DENND6A: variants seen among roughly 807,000 people sequenced by gnomAD.
DENND6A encodes the protein protein DENND6A.
In DENND6A, 43 loss-of-function variants were observed where a neutral mutation model predicts 95.5. The observed-to-expected ratio is 0.45, with a 90% CI of 0.35 to 0.58. The LOEUF is 0.58. Among genes scored for constraint, DENND6A ranks in the 20% least tolerant of loss-of-function variants. DENND6A has a pLI of 0.00. For missense variants in DENND6A, 574 were observed against 736.0 expected (o/e 0.78, Z 2.55); for synonymous variants, 257 against 260.4 (o/e 0.99, Z 0.13).
intron 1 of DENND6A, among the ~76,000 whole-genome samples, chr3:57,692,546 T>G (rs1435665831): frequency 6.6e-6 from 1 of 152,168 alleles, no homozygotes; most frequent in Admixed American, 6.5e-5. Context: ...AGGATGAACA[T>G]CAACAAGTAT....
At position 57,630,625 on chromosome 3, in the gene DENND6A, T is replaced by G. The variant is rs540502950; in HGVS notation, c.1517+90A>C. ...AACCATGTCAAACTTTAGTAGAATT[T>G]TTTAAAAAGAATAAGCTTAAGTTTA... On this transcript the variant is annotated intron_variant, in intron 17 of 19. Transcript: ENST00000311128. The G allele has an allele frequency of 3.6e-5, 55 of 1,532,286 alleles. 1 individual carries two copies. The African/African-American group carries it at 7.3e-4, about 20-fold the overall frequency. The allele number at this position is 1,532,286 out of a possible 1,614,324, so 94.9% of individuals were successfully genotyped here.
At chr3:57,688,185 G>A (rs1009375322) in intron 1 of DENND6A, among the ~76,000 whole-genome samples, 3 of 151,762 alleles carry the variant, frequency 2.0e-5, no homozygotes, top group Non-Finnish European at 4.4e-5. Flanking sequence ...TATTAGAGAT[G>A]GGGTTTTACC....
At chr3:57,655,038 T>G (rs1325179686) in intron 9 of DENND6A, 1 of 154,962 alleles carries the variant, frequency 6.5e-6, no homozygotes, top group East Asian at 1.9e-4. Context: ...AAACAAGAAT[T>G]TTTTTTTTTT....
Position 57,630,437 on chromosome 3 carries a change from T to G in DENND6A, c.1604A>C (p.Glu535Ala). The G allele has an allele frequency of 1.3e-6, 2 of 1,589,798 alleles. No individual in the cohort carries two copies. Among genetic ancestry groups the G allele is most frequent in the Non-Finnish European group, 1.7e-6 (2 of 1,174,886 alleles). ...TTTTCGAACCTCTTCACAAAGAGCT[T>G]CTAGATGGAGTGCCTCCAATTTTTG... ...MTQKLEALHL[E>A]ALCEEDLLLW... is the part of the protein sequence containing the mutation. The change falls in exon 18 of 20, where the codon GAA becomes GCA. Residue 535 changes from glutamate (E) to alanine (A), a missense_variant. Around this residue, in one of 2 missense-constraint regions of DENND6A, gnomAD observed 452 missense variants for 630.9 expected, o/e 0.72. Coordinates refer to ENST00000311128, the MANE Select transcript of DENND6A (RefSeq NM_152678.3).
rs768212516 is a variant in DENND6A at position 57,666,220 on chromosome 3, G to A, written c.335C>T (p.Thr112Ile). ...CTGTCGAAATCTAAAACAAAACTGG[G>A]TATCTCCAAGACAACCTAATGAAAA... is the stretch of plus-strand genomic sequence containing the variant. ...PDSNSGCLGD[T>I]QFCFRFRQSS... Residue 112 changes from threonine to isoleucine, a missense_variant, in exon 4 of 20, where the codon ACC becomes ATC. Transcript: ENST00000311128. 2.5e-6 allele frequency: 4 copies of A among 1,612,462 alleles called. No individual in the cohort carries two copies. Among genetic ancestry groups the A allele is most frequent in the Non-Finnish European group, 3.4e-6 (4 of 1,178,926 alleles).
intron 5 of DENND6A, 73 bp from the exon 6 acceptor site, chr3:57,661,624 A>C (rs2071425465): frequency 8.7e-7 from 1 of 1,145,214 alleles, no homozygotes; most frequent in Non-Finnish European, 1.2e-6. Flanking sequence ...ATTACTAACA[A>C]GCTAAATTCA....
At chr3:57,657,988 G>A (rs1391681856) in intron 8 of DENND6A, among the ~76,000 whole-genome samples, 2 of 152,108 alleles carry the variant, frequency 1.3e-5, no homozygotes, top group African/African-American at 2.4e-5. Context: ...TGTAATCCCA[G>A]CACTTTGGTA....
intron 14 of DENND6A, 42 bp from the exon 15 acceptor site, chr3:57,633,396 A>C (rs764425073): frequency 3.4e-6 from 5 of 1,458,558 alleles, no homozygotes; most frequent in Non-Finnish European, 4.8e-6. Context: ...CTAGTGTTGG[A>C]ATATAAAACA....
chr3:57,674,099 C>T (rs2071666151), intron 1 of DENND6A, among the ~76,000 whole-genome samples: 1 of 151,692 alleles, frequency 6.6e-6, no homozygotes, highest in Non-Finnish European at 1.5e-5. Context: ...TACTGGGAAG[C>T]CGGCCGGGTG....
Position 57,689,533 on chromosome 3 carries a change from G to A in DENND6A, c.237+3249C>T, listed in dbSNP as rs138832171. On this transcript the variant is annotated intron_variant, in intron 1 of 19. Coordinates refer to ENST00000311128, the MANE Select transcript of DENND6A (RefSeq NM_152678.3). ...GCACACCCCCTGCAGTCAACACCTT[G>A]TTCAGTTTCTTCCTAGCTCAAAGAC... is the stretch of plus-strand genomic sequence containing the variant. Among the ~76,000 whole-genome samples the A allele has an allele frequency of 3.1e-3, 467 of 152,196 alleles. 2 individuals are homozygous for A. The highest frequency in any genetic ancestry group is 0.011 in the African/African-American group (442 of 41,528).
At chr3:57,676,934 G>C (rs1355850850) in intron 1 of DENND6A, among the ~76,000 whole-genome samples, 1 of 152,114 alleles carries the variant, frequency 6.6e-6, no homozygotes, top group South Asian at 2.1e-4. Flanking sequence ...AGCGATTCTT[G>C]TGCCTCAGCC....
At position 57,635,833 on chromosome 3, in the gene DENND6A, A is replaced by AT. The variant is rs886438774; in HGVS notation, c.1133-1065dup. ...AACTGTGCATATTCACTTATACATG[A>AT]TTTTTTTTCCTGCCTCTGCCACCCC... On this transcript the variant is annotated intron_variant, in intron 12 of 19. Transcript: ENST00000311128. Among the ~76,000 whole-genome samples, 11 of 152,084 alleles carry AT rather than the reference A, an allele frequency of 7.2e-5. No individual in the cohort carries two copies. In the East Asian group the frequency reaches 1.9e-3, roughly 27 times the overall value.
chr3:57,653,496 A>G (rs997680361), intron 9 of DENND6A, among the ~76,000 whole-genome samples: 12 of 152,178 alleles, frequency 7.9e-5, no homozygotes, highest in Non-Finnish European at 5.9e-5. Context: ...CTGTAATCCC[A>G]GCACTTTGGG....
intron 12 of DENND6A, among the ~76,000 whole-genome samples, chr3:57,635,494 T>C (rs2070772609): frequency 6.6e-6 from 1 of 152,106 alleles, no homozygotes; most frequent in Non-Finnish European, 1.5e-5. Context: ...TCAAAGATTT[T>C]CTCCACCCTC....
intron 7 of DENND6A, 105 bp from the exon 8 acceptor site, chr3:57,659,285 CA>C: frequency 8.8e-7 from 1 of 1,142,220 alleles, no homozygotes. Context: ...AAAAAAGCTA[CA>C]AAAACAAAAT....
chr3:57,690,191 C>A (rs2077249405), intron 1 of DENND6A, among the ~76,000 whole-genome samples: 1 of 149,076 alleles, frequency 6.7e-6, no homozygotes, highest in Non-Finnish European at 1.5e-5. Flanking sequence ...CTAAAAAAAA[C>A]AAAAAAACAA....
At chr3:57,688,969 C>T (rs1243567979) in intron 1 of DENND6A, among the ~76,000 whole-genome samples, 1 of 151,126 alleles carries the variant, frequency 6.6e-6, no homozygotes, top group South Asian at 2.1e-4. Context: ...TATAATTTTT[C>T]TTTTTTTTTG....
At chr3:57,631,924 G>GT (rs1559803092) in intron 15 of DENND6A, among the ~76,000 whole-genome samples, 2 of 148,312 alleles carry the variant, frequency 1.3e-5, no homozygotes, top group Admixed American at 6.7e-5. Context: ...GGGTTTCACC[G>GT]TGTTAGCCAG....
chr3:57,629,050 TA>T (rs148741056), intron 18 of DENND6A, among the ~76,000 whole-genome samples, 165 bp from the exon 19 acceptor site: 1,995 of 152,348 alleles, frequency 0.013, 48 homozygotes, highest in African/African-American at 0.045. Flanking sequence ...CATAATATTC[TA>T]ATAACTGTTA....
Sources: allele counts gnomAD v4.1 joint callset (sites outside exome capture counted in the v4.1 genomes callset), GRCh38; gene constraint gnomAD v4.1.1; regional missense constraint gnomAD v4.1.1; transcripts MANE v1.5; gene names NCBI Gene and HGNC (gene_info 2026-07-23, HGNC 2026-07-21).